CDH13: variants seen among roughly 807,000 people sequenced by gnomAD.
The protein encoded by CDH13 is cadherin-13.
Under a neutral mutation model 63.8 loss-of-function variants are expected in CDH13, and 24 were observed. The observed-to-expected ratio is 0.38, with a 90% confidence interval of 0.27 to 0.53. The LOEUF is 0.53. Among genes scored for constraint, CDH13 ranks in the 20% least tolerant of loss-of-function variants. The pLI is 0.85. For missense variants in CDH13, 1,049 were observed against 903.1 expected, an observed-to-expected ratio of 1.16 and a Z score of -2.07; for synonymous variants, 503 against 355.3, an observed-to-expected ratio of 1.42 and a Z score of -4.67.
At position 83,014,729 on chromosome 16, in the gene CDH13, TAAA is replaced by T. The variant is rs36157010; in HGVS notation, c.158-17268_158-17266del. Reference sequence around the variant, plus strand: ...TTGGGCAACAGAGGGAGACTCCATCTAAAAAAAAAAAAAAATATATATATATAT... The same window carrying T: ...TTGGGCAACAGAGGGAGACTCCATCTAAAAAAAAAAAATATATATATATAT... On this transcript the variant is annotated intron_variant, in intron 2 of 13. Transcript: ENST00000567109. Among the ~76,000 whole-genome samples, 207 of 22,258 alleles carry T rather than the reference TAAA, an allele frequency of 9.3e-3. 4 individuals carry two copies. The highest frequency in any genetic ancestry group is 0.035 in the African/African-American group (203 of 5,884). 14.6% of individuals were successfully genotyped at this position (22,258 alleles called of 152,430 possible). A position where few individuals can be genotyped will look rare whatever the true frequency, so the allele number is the denominator to read the frequency against.
At chr16:83,027,102 A>ACCCCCCCCCCCCC (rs79185242) in intron 2 of CDH13, among the ~76,000 whole-genome samples, 9 of 100,896 alleles carry the variant, frequency 8.9e-5, no homozygotes, top group African/African-American at 2.0e-4. Context: ...CAGAAGGGAG[A>ACCCCCCCCCCCCC]CCCCCCCCCC....
chr16:82,998,821 G>T (rs1400748261), intron 2 of CDH13, among the ~76,000 whole-genome samples: 1 of 149,322 alleles, frequency 6.7e-6, no homozygotes, highest in East Asian at 2.0e-4. Flanking sequence ...TACGCCTTAA[G>T]CCTGACTTAA....
Position 83,315,655 on chromosome 16 carries a change from A to T in CDH13, c.637-29207A>T, listed in dbSNP as rs79785749. 5.2e-3 allele frequency among the ~76,000 whole-genome samples: 775 copies of T among 150,448 alleles called. 6 individuals carry two copies. The highest frequency in any genetic ancestry group is 0.016 in the East Asian group (82 of 5,064). ...AACTCTGGATTTAAAAAAAAAAAACAGCTCTAAGAAAATTTTTAATTTTTT... is the reference window on the plus strand; with the variant it reads ...AACTCTGGATTTAAAAAAAAAAAACTGCTCTAAGAAAATTTTTAATTTTTT... On this transcript the variant is annotated intron_variant, in intron 5 of 13. Coordinates refer to ENST00000567109, the MANE Select transcript of CDH13 (RefSeq NM_001257.5).
chr16:82,863,592 G>A (rs1023699487), intron 2 of CDH13, among the ~76,000 whole-genome samples: 3 of 152,172 alleles, frequency 2.0e-5, no homozygotes, highest in Admixed American at 2.0e-4. Context: ...TAGAGCTAAT[G>A]CCTCAACTGA....
At chr16:83,008,342 A>T (rs1287717683) in intron 2 of CDH13, among the ~76,000 whole-genome samples, 1 of 152,338 alleles carries the variant, frequency 6.6e-6, no homozygotes, top group African/African-American at 2.4e-5. Flanking sequence ...GAAGGAAGTT[A>T]GGAAGTTATG....
intron 1 of CDH13, among the ~76,000 whole-genome samples, chr16:82,811,668 T>C (rs1454140891): frequency 1.3e-5 from 2 of 152,162 alleles, no homozygotes; most frequent in African/African-American, 2.4e-5. Flanking sequence ...TAGAAGGTGA[T>C]AGCAGTATTC....
At chr16:82,704,483 C>T (rs904564493) in intron 1 of CDH13, among the ~76,000 whole-genome samples, 1 of 152,148 alleles carries the variant, frequency 6.6e-6, no homozygotes, top group African/African-American at 2.4e-5. Flanking sequence ...ATGTCTGAGG[C>T]CCATTCTTTA....
chr16:83,238,417 AC>A (rs1196599620), intron 5 of CDH13, among the ~76,000 whole-genome samples: 2 of 152,070 alleles, frequency 1.3e-5, no homozygotes, highest in African/African-American at 4.8e-5. Flanking sequence ...CATGGGAAAG[AC>A]CCACCCCCAT....
At chr16:82,997,991 C>T (rs777122184) in intron 2 of CDH13, among the ~76,000 whole-genome samples, 1 of 152,090 alleles carries the variant, frequency 6.6e-6, no homozygotes, top group Non-Finnish European at 1.5e-5. Flanking sequence ...TAGAAGATAT[C>T]AGTGTTGTAT....
intron 2 of CDH13, among the ~76,000 whole-genome samples, chr16:82,913,953 G>C (rs2151269603): frequency 6.6e-6 from 1 of 152,068 alleles, no homozygotes; most frequent in East Asian, 1.9e-4. Flanking sequence ...AGGAGATGTA[G>C]ACAGCGCTGG....
chr16:82,640,188 G>C (rs970937986), intron 1 of CDH13, among the ~76,000 whole-genome samples: 1 of 152,212 alleles, frequency 6.6e-6, no homozygotes, highest in Non-Finnish European at 1.5e-5. Flanking sequence ...TTCTGAGCTT[G>C]TCCACCACAC....
At chr16:83,368,887 TATATATATA>T (rs1567622066) in intron 6 of CDH13, among the ~76,000 whole-genome samples, 3,425 of 37,922 alleles carry the variant, frequency 0.09, 562 homozygotes, top group East Asian at 0.15. Flanking sequence ...TTCCATGTTA[TATATATATA>T]TATATATATA....
At chr16:83,091,462 A>G (rs2151583318) in intron 3 of CDH13, among the ~76,000 whole-genome samples, 1 of 152,302 alleles carries the variant, frequency 6.6e-6, no homozygotes, top group Admixed American at 6.5e-5. Context: ...AATACATTTT[A>G]TGTCTACAGA....
intron 3 of CDH13, among the ~76,000 whole-genome samples, chr16:83,032,708 A>T (rs1460830444): frequency 6.6e-6 from 1 of 152,116 alleles, no homozygotes. Context: ...TGAACTAAAC[A>T]TGGTGTCCAT....
intron 4 of CDH13, among the ~76,000 whole-genome samples, chr16:83,179,684 A>G (rs1036362421): frequency 2.6e-5 from 4 of 151,504 alleles, no homozygotes; most frequent in African/African-American, 7.3e-5. Context: ...GCCTCCCTAG[A>G]GAGGTGTTAA....
At chr16:83,570,751 AATT>A (rs1297054401) in intron 7 of CDH13, among the ~76,000 whole-genome samples, 4 of 143,822 alleles carry the variant, frequency 2.8e-5, no homozygotes, top group Non-Finnish European at 4.5e-5. Context: ...ATTTTATAAA[AATT>A]ATATATTTAT....
intron 1 of CDH13, among the ~76,000 whole-genome samples, chr16:82,799,491 G>A (rs1274236093): frequency 6.6e-6 from 1 of 152,164 alleles, no homozygotes; most frequent in Non-Finnish European, 1.5e-5. Flanking sequence ...CATCGTTAAG[G>A]AGATACCATC....
chr16:82,647,883 A>G (rs1910284269), intron 1 of CDH13, among the ~76,000 whole-genome samples: 1 of 152,148 alleles, frequency 6.6e-6, no homozygotes. Flanking sequence ...TATAGCTCCC[A>G]TAGTCCCCAT....
chr16:82,886,138 A>G (rs1412789289), intron 2 of CDH13, among the ~76,000 whole-genome samples: 1 of 152,234 alleles, frequency 6.6e-6, no homozygotes, highest in Non-Finnish European at 1.5e-5. Context: ...AATAGCTGAA[A>G]AATATTCTGT....
Sources: gnomAD v4.1 joint callset for allele counts (sites outside exome capture counted in the v4.1 genomes callset) on GRCh38, gnomAD v4.1.1 for gene constraint, MANE v1.5 for transcripts, NCBI Gene and HGNC (gene_info 2026-07-23, HGNC 2026-07-21) for gene names.